AARD: variants seen among roughly 807,000 people sequenced by gnomAD.
AARD encodes alanine and arginine rich domain containing protein.
Under a neutral mutation model 9.3 loss-of-function variants are expected in AARD, and 9 were observed. The observed-to-expected ratio is 0.97, with a 90% CI of 0.58 to 1.69. The LOEUF (loss-of-function observed/expected upper bound fraction) is 1.69. Among genes scored for constraint, AARD ranks in the 40% most tolerant of loss-of-function variants. The pLI is 0.00. For missense variants in AARD, 236 were observed against 210.3 expected, an observed-to-expected ratio of 1.12 and a Z score of -0.76; for synonymous variants, 91 against 93.8, an observed-to-expected ratio of 0.97 and a Z score of 0.17.
In AARD at chr8:116,943,672, A is replaced by C. The variant is rs1171339910; in HGVS notation, c.*971A>C. 1.4e-5 allele frequency: 2 copies of C among 141,772 alleles called. No individual in the cohort carries two copies. Among genetic ancestry groups the C allele is most frequent in the Non-Finnish European group, 3.1e-5 (2 of 64,664 alleles). The allele number at this position is 141,772 out of a possible 1,614,324, so 8.8% of individuals were successfully genotyped here. On this transcript the variant is annotated 3_prime_UTR_variant, in exon 2 of 2. Transcript: ENST00000378279. The stretch of plus-strand genomic sequence containing the variant: ...CCACACCCTAATGGAGGTGACTGAA[A>C]CGGAACCACTAAAAGCACAAAAGGG...
intron 1 of AARD, among the ~76,000 whole-genome samples, chr8:116,939,028 G>C (rs1813714581): frequency 6.6e-6 from 1 of 152,194 alleles, no homozygotes; most frequent in African/African-American, 2.4e-5. Flanking sequence ...TTGTAAAATT[G>C]CACCATTTCG....
Position 116,938,536 on chromosome 8 carries a change from AG to A in AARD, c.295del (p.Ala99ProfsTer27). On this transcript the variant is annotated frameshift_variant, in exon 1 of 2. Coordinates refer to ENST00000378279, the MANE Select transcript of AARD (RefSeq NM_001025357.3). LOFTEE classifies it low-confidence loss of function (END_TRUNC). ...GAGGAGCAGAGCTGGACGGGCGTTG[AG>A]GCCACCCTGGCCAGGCTGCGGGCGG... ...AREEQSWTGVEATLARLRAEL... is the reference protein window; with the variant it reads ...AREEQSWTGVXATLARLRAEL... 1 of 1,465,898 alleles carries A rather than the reference AG, an allele frequency of 6.8e-7. No homozygotes were observed. The highest frequency in any genetic ancestry group is 8.9e-7 in the Non-Finnish European group (1 of 1,119,692). The allele number at this position is 1,465,898 out of a possible 1,614,324, so 90.8% of individuals were successfully genotyped here.
At chr8:116,939,628 G>C (rs562291796) in intron 1 of AARD, among the ~76,000 whole-genome samples, 1 of 152,274 alleles carries the variant, frequency 6.6e-6, no homozygotes, top group African/African-American at 2.4e-5. Flanking sequence ...GTGAAACAAC[G>C]TCTCAAAAAC....
rs1298951529 is a variant in AARD at position 116,938,636 on chromosome 8, G to A, written c.324+69G>A. On this transcript the variant is annotated intron_variant, in intron 1 of 1. Transcript: ENST00000378279. ...CCGGGTCCTCTCCTCCAGCTGCAGA[G>A]CCGCTGGCCGCGTAGCCCACCCGAC... 4.4e-6 allele frequency: 6 copies of A among 1,377,454 alleles called. No homozygotes were observed. The Admixed American group carries it at 1.5e-4, about 34-fold the overall frequency. The allele number at this position is 1,377,454 out of a possible 1,614,324, so 85.3% of individuals were successfully genotyped here.
chr8:116,938,227 G>T lies in AARD; in HGVS notation c.-17G>T. On this transcript the variant is annotated 5_prime_UTR_variant, in exon 1 of 2. Coordinates refer to ENST00000378279, the MANE Select transcript of AARD (RefSeq NM_001025357.3). ...CTTTCAGCAGCAGCGGTAGAGCAGTGACCAGGCGTCTCCGCGATGGGCCCC... is the reference window on the plus strand; with the variant it reads ...CTTTCAGCAGCAGCGGTAGAGCAGTTACCAGGCGTCTCCGCGATGGGCCCC... 1.9e-6 allele frequency: 3 copies of T among 1,575,992 alleles called. No individual in the cohort carries two copies. The highest frequency in any genetic ancestry group is 1.2e-5 in the South Asian group (1 of 85,758).
At chr8:116,940,973 C>G (rs57258100) in intron 1 of AARD, among the ~76,000 whole-genome samples, 2 of 152,224 alleles carry the variant, frequency 1.3e-5, no homozygotes, top group African/African-American at 4.8e-5. Context: ...GATGGTAAAT[C>G]ATTACCAATA....
At chr8:116,940,451 G>C (rs113910230) in intron 1 of AARD, among the ~76,000 whole-genome samples, 1 of 152,118 alleles carries the variant, frequency 6.6e-6, no homozygotes. Flanking sequence ...CACAAATAAT[G>C]TGTCCTTGGG....
At chr8:116,941,928 C>T (rs1240124139) in intron 1 of AARD, among the ~76,000 whole-genome samples, 1 of 142,110 alleles carries the variant, frequency 7.0e-6, no homozygotes, top group Admixed American at 7.2e-5. Context: ...GTAACATGCC[C>T]TAGAGATCTT....
At position 116,942,963 on chromosome 8, in the gene AARD, G is replaced by A. The variant is rs564508367; in HGVS notation, c.*262G>A. On this transcript the variant is annotated 3_prime_UTR_variant, in exon 2 of 2. Transcript: ENST00000378279. ...TGCAGTGAGCCGAAATCCTGCCACT[G>A]CACTCCAGCCTGGGTGACAGAGCAA... 9.6e-5 allele frequency: 16 copies of A among 165,844 alleles called. No individual in the cohort carries two copies. The highest frequency in any genetic ancestry group is 3.3e-4 in the African/African-American group (12 of 36,870). 10.3% of individuals were successfully genotyped at this position (165,844 alleles called of 1,614,324 possible).
In AARD at chr8:116,938,464, C is replaced by G. The variant is rs1813700402; in HGVS notation, c.221C>G (p.Ala74Gly). 5 of 1,594,726 alleles carry G rather than the reference C, an allele frequency of 3.1e-6. No individual in the cohort carries two copies. The highest frequency in any genetic ancestry group is 4.3e-6 in the Non-Finnish European group (5 of 1,171,916). ...TRAFQWAVQR[A>G]ISRRVQEAAA... The stretch of plus-strand genomic sequence containing the variant: ...GCCTTCCAGTGGGCGGTGCAGCGCG[C>G]GATCTCGAGGCGCGTGCAGGAGGCG... The change falls in exon 1 of 2, where the codon GCG becomes GGG. Residue 74 changes from alanine (A) to glycine (G), a missense_variant. Transcript: ENST00000378279.
rs772752976 is a variant in AARD at position 116,942,694 on chromosome 8, C to T, written c.461C>T (p.Pro154Leu). ...AGCCCAAAAGATGATGCTGCGAATC[C>T]GGAATAAAGAAATGCACACGCAAGG... is the stretch of plus-strand genomic sequence containing the variant. ...SQSPKDDAAN[P>L]E is the part of the protein sequence containing the mutation. The change falls in exon 2 of 2, where the codon CCG (proline) becomes CTG (leucine). Residue 154 changes from proline to leucine, a missense_variant. Transcript: ENST00000378279. 4.3e-5 allele frequency: 69 copies of T among 1,613,190 alleles called. No homozygotes were observed. Among genetic ancestry groups the T allele is most frequent in the Middle Eastern group, 1.6e-4 (1 of 6,084 alleles).
At chr8:116,941,079 A>G (rs959762910) in intron 1 of AARD, among the ~76,000 whole-genome samples, 7 of 152,178 alleles carry the variant, frequency 4.6e-5, no homozygotes, top group African/African-American at 1.7e-4. Context: ...ACAAACACAC[A>G]GAGAACCTAC....
Position 116,942,681 on chromosome 8 carries a change from GA to G in AARD, c.449del (p.Asp150ValfsTer39). The G allele has an allele frequency of 6.2e-7, 1 of 1,613,788 alleles. No individual in the cohort carries two copies. Among genetic ancestry groups the G allele is most frequent in the Non-Finnish European group, 8.5e-7 (1 of 1,179,934 alleles). On this transcript the variant is annotated frameshift_variant, in exon 2 of 2. Coordinates refer to ENST00000378279, the MANE Select transcript of AARD (RefSeq NM_001025357.3). LOFTEE classifies it high-confidence loss of function. Reference protein sequence around the residue: ...ITSDSQSPKDDAANPE With the variant: ...ITSDSQSPKDXAANPE ...ATCAGACTCCCAAAGCCCAAAAGAT[GA>G]TGCTGCGAATCCGGAATAAAGAAAT...
In AARD at chr8:116,942,135, A is replaced by G. The variant is rs1026749762; in HGVS notation, c.325-423A>G. 2.0e-5 allele frequency among the ~76,000 whole-genome samples: 3 copies of G among 152,372 alleles called. No individual in the cohort carries two copies. The East Asian group carries it at 5.8e-4, about 29-fold the overall frequency. On this transcript the variant is annotated intron_variant, in intron 1 of 1. Coordinates refer to ENST00000378279, the MANE Select transcript of AARD (RefSeq NM_001025357.3). ...TTTAAAATCCTGAAAACTTGAAATGATAAGTAATCAAGTAAATAGCACAGA... is the reference window on the plus strand; with the variant it reads ...TTTAAAATCCTGAAAACTTGAAATGGTAAGTAATCAAGTAAATAGCACAGA...
chr8:116,943,316 A>C lies in AARD; in HGVS notation c.*615A>C, dbSNP rs1483841072. Reference sequence around the variant, plus strand: ...CTTTAATGCCAACTTTCGGTATTCAACCTTGTGTCACCTGACCTTTCTGGC... The same window carrying C: ...CTTTAATGCCAACTTTCGGTATTCACCCTTGTGTCACCTGACCTTTCTGGC... On this transcript the variant is annotated 3_prime_UTR_variant, in exon 2 of 2. Transcript: ENST00000378279. The C allele has an allele frequency of 1.3e-5, 2 of 152,296 alleles. No homozygotes were observed. The highest frequency in any genetic ancestry group is 4.8e-5 in the African/African-American group (2 of 41,564). 9.4% of individuals were successfully genotyped at this position (152,296 alleles called of 1,614,324 possible). A position where few individuals can be genotyped will look rare whatever the true frequency, so the allele number is the denominator to read the frequency against.
intron 1 of AARD, among the ~76,000 whole-genome samples, chr8:116,941,486 G>A (rs955926225): frequency 6.6e-6 from 1 of 152,212 alleles, no homozygotes; most frequent in Non-Finnish European, 1.5e-5. Flanking sequence ...CCACCCTAGA[G>A]AGCTGAAGCT....
chr8:116,939,946 G>A (rs1813725901), intron 1 of AARD, among the ~76,000 whole-genome samples: 1 of 152,192 alleles, frequency 6.6e-6, no homozygotes, highest in Admixed American at 6.5e-5. Flanking sequence ...ATTTAAATCA[G>A]ATGAGGAGAT....
intron 1 of AARD, among the ~76,000 whole-genome samples, chr8:116,941,940 T>C (rs1225002882): frequency 1.1e-5 from 1 of 93,602 alleles, no homozygotes; most frequent in African/African-American, 2.7e-5. Flanking sequence ...AGAGATCTTT[T>C]TTTAAACGCA....
At position 116,938,232 on chromosome 8, in the gene AARD, G is replaced by A. The variant is rs776243815; in HGVS notation, c.-12G>A. The A allele has an allele frequency of 6.9e-7, 1 of 1,444,850 alleles. No homozygotes were observed. Among genetic ancestry groups the A allele is most frequent in the South Asian group, 1.2e-5 (1 of 85,048 alleles). 89.5% of individuals were successfully genotyped at this position (1,444,850 alleles called of 1,614,324 possible). ...AGCAGCAGCGGTAGAGCAGTGACCA[G>A]GCGTCTCCGCGATGGGCCCCGGGGA... On this transcript the variant is annotated 5_prime_UTR_variant, in exon 1 of 2. Coordinates refer to ENST00000378279, the MANE Select transcript of AARD (RefSeq NM_001025357.3).
Sources: allele counts gnomAD v4.1 joint callset (sites outside exome capture counted in the v4.1 genomes callset), GRCh38; gene constraint gnomAD v4.1.1; transcripts MANE v1.5; gene names NCBI Gene and HGNC (gene_info 2026-07-23, HGNC 2026-07-21).